Variants in NUP98 observed in about 807,000 individuals in gnomAD.
The protein encoded by NUP98 is nucleoporin 98 and 96 precursor, also known as nuclear pore complex protein Nup98-Nup96.
Under a neutral mutation model 191.9 loss-of-function variants are expected in NUP98, and 26 were observed. The observed-to-expected ratio is 0.14, with a 90% CI of 0.10 to 0.19. NUP98 has a LOEUF of 0.19. Among genes scored for constraint, NUP98 ranks in the 10% least tolerant of loss-of-function variants. The pLI is 1.00. For synonymous variants in NUP98, 808 were observed against 778.4 expected (o/e 1.04, Z -0.63); for missense variants, 1,941 against 2,178.8 (o/e 0.89, Z 2.17).
intron 12 of NUP98, among the ~76,000 whole-genome samples, chr11:3,740,337 C>G (rs1178673213): frequency 1.3e-5 from 2 of 151,890 alleles, no homozygotes; most frequent in Non-Finnish European, 2.9e-5. Context: ...ATGGTGAAAC[C>G]CAATACCTAC....
chr11:3,744,761 A>G (rs2080429417), intron 11 of NUP98, 112 bp from the exon 12 acceptor site: 1 of 1,215,866 alleles, frequency 8.2e-7, no homozygotes, highest in Non-Finnish European at 1.1e-6. Flanking sequence ...GTGACCACTC[A>G]TTTCAACAAA....
intron 12 of NUP98, 59 bp from the exon 13 acceptor site, chr11:3,735,383 A>C: frequency 1.1e-6 from 1 of 946,898 alleles, no homozygotes; most frequent in Non-Finnish European, 1.4e-6. Flanking sequence ...CAAGGATACA[A>C]TGCATTTGTA....
At chr11:3,791,392 G>C (rs190065914) in intron 1 of NUP98, among the ~76,000 whole-genome samples, 19 of 151,784 alleles carry the variant, frequency 1.3e-4, no homozygotes, top group African/African-American at 3.6e-4. Context: ...AAATTAGCCA[G>C]GCATGGTGGT....
At chr11:3,709,847 T>G (rs1272499500) in intron 20 of NUP98, among the ~76,000 whole-genome samples, 1 of 122,022 alleles carries the variant, frequency 8.2e-6, no homozygotes, top group African/African-American at 3.1e-5. Flanking sequence ...GGGGAGGGTA[T>G]AGCTTTAGGA....
At chr11:3,744,745 T>C in intron 11 of NUP98, 96 bp from the exon 12 acceptor site, 2 of 1,377,636 alleles carry the variant, frequency 1.5e-6, no homozygotes, top group Non-Finnish European at 2.0e-6. Context: ...ATTTGGAAAC[T>C]TCATAGTGAC....
At chr11:3,698,203 T>C (rs1478235237) in intron 25 of NUP98, among the ~76,000 whole-genome samples, 4 of 152,172 alleles carry the variant, frequency 2.6e-5, no homozygotes, top group East Asian at 3.9e-4. Flanking sequence ...GATATCACCT[T>C]TGAAAAGTTC....
intron 29 of NUP98, among the ~76,000 whole-genome samples, chr11:3,684,852 T>C (rs187841933): frequency 5.2e-4 from 75 of 145,384 alleles, no homozygotes; most frequent in African/African-American, 1.8e-3. Flanking sequence ...AAAAGTAAGC[T>C]TTACCCTAGG....
intron 18 of NUP98, chr11:3,714,791 T>C (rs907841501): frequency 1.3e-5 from 2 of 152,766 alleles, no homozygotes; most frequent in African/African-American, 4.8e-5. Context: ...GAATGCTTCA[T>C]GTATTTGTGT....
chr11:3,750,622 TG>T (rs1179565550), intron 11 of NUP98, among the ~76,000 whole-genome samples: 1 of 150,462 alleles, frequency 6.6e-6, no homozygotes, highest in Non-Finnish European at 1.5e-5. Flanking sequence ...ACATTTTAAA[TG>T]TTTTTTTTTT....
At chr11:3,738,107 A>AAAAAAAAAAAAAAACAAAAAAAAACC (rs1554894745) in intron 12 of NUP98, among the ~76,000 whole-genome samples, 83 of 147,652 alleles carry the variant, frequency 5.6e-4, no homozygotes, top group Non-Finnish European at 9.5e-4. Flanking sequence ...AAAAAAAAAA[A>AAAAAAAAAAAAAAACAAAAAAAAACC]CCAAAGACTT....
rs769589170 is a variant in NUP98 at position 3,731,376 on chromosome 11, C to T, written c.1730+15G>A. 1 of 1,489,454 alleles carries T rather than the reference C, an allele frequency of 6.7e-7. No homozygotes were observed. Among genetic ancestry groups the T allele is most frequent in the Admixed American group, 2.2e-5 (1 of 45,450 alleles). The allele number at this position is 1,489,454 out of a possible 1,614,324, so 92.3% of individuals were successfully genotyped here. A position where few individuals can be genotyped will look rare whatever the true frequency, so the allele number is the denominator to read the frequency against. ...GTATTTTACACTTAATTTCTGTTAA[C>T]AAAAATAAACTCACTTGGGCATGAA... On this transcript the variant is annotated intron_variant, in intron 14 of 32. Transcript: ENST00000324932.
chr11:3,766,320 C>T (rs1309042002), intron 8 of NUP98, among the ~76,000 whole-genome samples: 1 of 152,056 alleles, frequency 6.6e-6, no homozygotes, highest in Non-Finnish European at 1.5e-5. Context: ...ACGCAGTGAA[C>T]TGAGATCATG....
chr11:3,763,752 T>C (rs773906540), intron 8 of NUP98, among the ~76,000 whole-genome samples: 3 of 152,108 alleles, frequency 2.0e-5, no homozygotes, highest in African/African-American at 7.2e-5. Context: ...TTTCACAATG[T>C]GCCCAGGCTG....
At position 3,699,212 on chromosome 11, in the gene NUP98, T is replaced by G; in HGVS notation, c.3879A>C (p.Leu1293=). 6.2e-7 allele frequency: 1 copy of G among 1,614,188 alleles called. No homozygotes were observed. The highest frequency in any genetic ancestry group is 8.5e-7 in the Non-Finnish European group (1 of 1,180,034). ...LERRRAFSRW[L]SCTATPQIEE... ...CAATCTGAGGTGTGGCAGTACAGGA[T>G]AGCCAGCGGGAGAAAGCTCTTCTTC... is the stretch of plus-strand genomic sequence containing the variant. The change falls in exon 25 of 33, where the codon CTA becomes CTC. Residue 1293 remains leucine (L), a synonymous_variant. Transcript: ENST00000324932.
At position 3,797,515 on chromosome 11, in the gene NUP98, G is replaced by T; in HGVS notation, c.-144C>A. 2 of 440,784 alleles carry T rather than the reference G, an allele frequency of 4.5e-6. No homozygotes were observed. Among genetic ancestry groups the T allele is most frequent in the Non-Finnish European group, 8.0e-6 (2 of 250,846 alleles). 27.3% of individuals were successfully genotyped at this position (440,784 alleles called of 1,614,324 possible). On this transcript the variant is annotated 5_prime_UTR_variant, in exon 1 of 33. Transcript: ENST00000324932. The stretch of plus-strand genomic sequence containing the variant: ...CGCCGCCGCTACCACCCCTGCCACC[G>T]ACCGCCGCTTCGGGCGCAGCGCGCA...
intron 29 of NUP98, among the ~76,000 whole-genome samples, chr11:3,684,755 C>T (rs911232526): frequency 4.1e-5 from 4 of 97,162 alleles, no homozygotes; most frequent in Non-Finnish European, 5.7e-5. Flanking sequence ...TAATGTTATG[C>T]TTTCACAGGC....
At chr11:3,729,715 CAAAAAAAAAAAAA>C (rs755816362) in intron 14 of NUP98, among the ~76,000 whole-genome samples, 4 of 37,416 alleles carry the variant, frequency 1.1e-4, no homozygotes, top group Admixed American at 4.2e-4. Flanking sequence ...ACTCTTGCCT[CAAAAAAAAAAAAA>C]AAAAAAAAAA....
At chr11:3,682,028 C>T (rs2077998311) in intron 30 of NUP98, among the ~76,000 whole-genome samples, 1 of 152,194 alleles carries the variant, frequency 6.6e-6, no homozygotes, top group African/African-American at 2.4e-5. Context: ...CCTGCTTCAC[C>T]TTGCACTTTA....
At chr11:3,698,016 T>A (rs906700711) in intron 25 of NUP98, among the ~76,000 whole-genome samples, 4 of 152,126 alleles carry the variant, frequency 2.6e-5, no homozygotes, top group Non-Finnish European at 4.4e-5. Context: ...AGAACATATT[T>A]TATAGCAATT....
Sources: allele counts gnomAD v4.1 joint callset (sites outside exome capture counted in the v4.1 genomes callset), GRCh38; gene constraint gnomAD v4.1.1; transcripts MANE v1.5; gene names NCBI Gene and HGNC (gene_info 2026-07-23, HGNC 2026-07-21).